Variants in RPH3A observed in about 807,000 individuals in gnomAD.
The protein encoded by RPH3A is rabphilin 3A.
A neutral mutation model predicts 102.2 loss-of-function variants in RPH3A; 48 were observed. The ratio of observed to expected loss-of-function variants is 0.47; its 90% confidence interval spans 0.37 to 0.60. The LOEUF (loss-of-function observed/expected upper bound fraction) is 0.60, where lower values mean the gene tolerates loss of function less well. Among genes scored for constraint, RPH3A ranks in the 20% least tolerant of loss-of-function variants. RPH3A has a pLI of 0.00. For missense variants in RPH3A, 781 were observed against 910.1 expected, an observed-to-expected ratio of 0.86 and a Z score of 1.83; for synonymous variants, 310 against 324.3, an observed-to-expected ratio of 0.96 and a Z score of 0.47.
intron 1 of RPH3A, among the ~76,000 whole-genome samples, chr12:112,786,595 C>G (rs994614057): frequency 3.3e-5 from 5 of 152,198 alleles, no homozygotes; most frequent in Admixed American, 2.0e-4. Flanking sequence ...CATCCAGCGA[C>G]AAAGCCCAGT....
rs1400499610 is a variant in RPH3A, at chr12:112,733,889, A to G, written c.-139-58254A>G. On this transcript the variant is annotated intron_variant, in intron 1 of 21. Coordinates refer to the RPH3A transcript ENST00000543106. ...TTCTAGCAAAGAATAGGAGAGTGTA[A>G]AAGGTCATGCAGCTTTAGGTGGCTC... Among the ~76,000 whole-genome samples, 3 of 152,194 alleles carry G rather than the reference A, an allele frequency of 2.0e-5. No homozygotes were observed. In the East Asian group the frequency reaches 5.8e-4, roughly 29 times the overall value.
At chr12:112,726,177 C>T (rs1344140865) in intron 1 of RPH3A, among the ~76,000 whole-genome samples, 1 of 151,888 alleles carries the variant, frequency 6.6e-6, no homozygotes, top group African/African-American at 2.4e-5. Flanking sequence ...TGCAGTGGCA[C>T]AGTCTTGACT....
Position 112,693,316 on chromosome 12 carries a change from C to T in RPH3A, c.-139-98827C>T, listed in dbSNP as rs148536777. Among the ~76,000 whole-genome samples the T allele has an allele frequency of 4.1e-3, 620 of 152,324 alleles. 5 individuals are homozygous for T. Among genetic ancestry groups the T allele is most frequent in the African/African-American group, 0.014 (586 of 41,566 alleles). On this transcript the variant is annotated intron_variant, in intron 1 of 21. Transcript: ENST00000543106. ...GTGCATGACACAGCTGTCACTCTGG[C>T]TGGTGACATGGGGTCACCTTTGACT...
intron 1 of RPH3A, among the ~76,000 whole-genome samples, chr12:112,738,881 T>C (rs762943081): frequency 6.6e-6 from 1 of 152,166 alleles, no homozygotes; most frequent in African/African-American, 2.4e-5. Context: ...TTGGGTTTGT[T>C]TGCCTAGGTA....
intron 19 of RPH3A, 115 bp from the exon 20 acceptor site, chr12:112,894,463 A>C: frequency 1.1e-6 from 1 of 901,162 alleles, no homozygotes; most frequent in South Asian, 1.5e-5. Context: ...ATCAATGTTG[A>C]TCCCTTTCTG....
At chr12:112,614,429 A>G (rs967014742) in intron 1 of RPH3A, among the ~76,000 whole-genome samples, 1 of 151,788 alleles carries the variant, frequency 6.6e-6, no homozygotes. Flanking sequence ...CACTCCTGTA[A>G]TCCCAGCACC....
chr12:112,593,670 G>A (rs233722), intron 1 of RPH3A, among the ~76,000 whole-genome samples: 81,400 of 152,108 alleles, frequency 0.54, 22,732 homozygotes, highest in South Asian at 0.7. Flanking sequence ...TGTGAAGGAA[G>A]GGAGAACCAA....
chr12:112,755,326 C>T (rs1212727180), intron 1 of RPH3A, among the ~76,000 whole-genome samples: 3 of 151,240 alleles, frequency 2.0e-5, no homozygotes, highest in Non-Finnish European at 4.4e-5. Context: ...CACACACACA[C>T]ACACACACAC....
In RPH3A at chr12:112,896,876, C is replaced by A; in HGVS notation, c.*96C>A. 1 of 1,376,592 alleles carries A rather than the reference C, an allele frequency of 7.3e-7. No individual in the cohort carries two copies. The highest frequency in any genetic ancestry group is 1.0e-6 in the Non-Finnish European group (1 of 993,918). The allele number at this position is 1,376,592 out of a possible 1,614,324, so 85.3% of individuals were successfully genotyped here. On this transcript the variant is annotated 3_prime_UTR_variant, in exon 22 of 22. Coordinates refer to ENST00000389385, the MANE Select transcript of RPH3A (RefSeq NM_001143854.2). ...GATCTCTCTTCTCTATGCCTACCTC[C>A]CCCCATACCCTGCTGATCTCCCTGA...
chr12:112,605,780 C>T lies in RPH3A; in HGVS notation c.-140+30461C>T, dbSNP rs140213881. 5.9e-3 allele frequency among the ~76,000 whole-genome samples: 898 copies of T among 152,286 alleles called. 7 individuals carry two copies. The highest frequency in any genetic ancestry group is 0.021 in the African/African-American group (855 of 41,546). On this transcript the variant is annotated intron_variant, in intron 1 of 21. Coordinates refer to the RPH3A transcript ENST00000543106. ...AACTGGGAAACCTAGTAACTACTAG[C>T]GTGCATCGTGTGTCAACCAAGAGGC... is the stretch of plus-strand genomic sequence containing the variant.
At chr12:112,712,964 T>TTCTTCTTC (rs1417742814) in intron 1 of RPH3A, among the ~76,000 whole-genome samples, 17 of 70,318 alleles carry the variant, frequency 2.4e-4, no homozygotes, top group African/African-American at 9.5e-4. Context: ...CTTCTTCTTC[T>TTCTTCTTC]TTCTTCTTCT....
intron 1 of RPH3A, among the ~76,000 whole-genome samples, chr12:112,763,998 C>T (rs2040871602): frequency 6.6e-6 from 1 of 152,170 alleles, no homozygotes; most frequent in African/African-American, 2.4e-5. Context: ...CCAGGCTCTC[C>T]ATCTTCTGCC....
Position 112,740,164 on chromosome 12 carries a change from C to T in RPH3A, c.-139-51979C>T, listed in dbSNP as rs60331643. On this transcript the variant is annotated intron_variant, in intron 1 of 21. Coordinates refer to the RPH3A transcript ENST00000543106. The stretch of plus-strand genomic sequence containing the variant: ...TTCTTTTAGCCTTGATTTCCCTATC[C>T]GTAAAATGGAGATAATAATAGTACC... Among the ~76,000 whole-genome samples, 1,298 of 152,144 alleles carry T rather than the reference C, an allele frequency of 8.5e-3. 21 individuals carry two copies. Among genetic ancestry groups the T allele is most frequent in the African/African-American group, 0.029 (1,216 of 41,494 alleles).
chr12:112,677,120 G>GA (rs2040180960), intron 1 of RPH3A, among the ~76,000 whole-genome samples: 1 of 151,960 alleles, frequency 6.6e-6, no homozygotes, highest in African/African-American at 2.4e-5. Context: ...TGAGCAACTG[G>GA]AAAAAAAATT....
At chr12:112,845,026 G>A (rs569045972) in intron 4 of RPH3A, among the ~76,000 whole-genome samples, 26 of 152,184 alleles carry the variant, frequency 1.7e-4, no homozygotes, top group Non-Finnish European at 3.2e-4. Flanking sequence ...ACAACATGGC[G>A]GCTGGCCAAG....
At chr12:112,764,297 A>G (rs1003581867) in intron 1 of RPH3A, among the ~76,000 whole-genome samples, 1 of 152,200 alleles carries the variant, frequency 6.6e-6, no homozygotes, top group African/African-American at 2.4e-5. Flanking sequence ...AAAACGAGTT[A>G]AGGTAGTAAG....
At chr12:112,700,933 C>T (rs1192476851) in intron 1 of RPH3A, among the ~76,000 whole-genome samples, 1 of 152,184 alleles carries the variant, frequency 6.6e-6, no homozygotes, top group African/African-American at 2.4e-5. Context: ...AGCCCTCTCT[C>T]CCATACCTCA....
At chr12:112,628,744 A>G (rs1434865564) in intron 1 of RPH3A, among the ~76,000 whole-genome samples, 5 of 151,894 alleles carry the variant, frequency 3.3e-5, no homozygotes, top group Non-Finnish European at 7.4e-5. Context: ...CTCTGAAAAA[A>G]TGAAAAATTA....
chr12:112,647,846 G>C (rs949393575), intron 1 of RPH3A, among the ~76,000 whole-genome samples: 4 of 152,190 alleles, frequency 2.6e-5, no homozygotes, highest in Non-Finnish European at 5.9e-5. Flanking sequence ...GTGGGAAAAA[G>C]CTTAAGCAAG....
Sources: gnomAD v4.1 joint callset for allele counts (sites outside exome capture counted in the v4.1 genomes callset) on GRCh38, gnomAD v4.1.1 for gene constraint, MANE v1.5 for transcripts, NCBI Gene and HGNC (gene_info 2026-07-23, HGNC 2026-07-21) for gene names.